The following PCDH9 variants were observed in gnomAD, a reference collection of about 807,000 sequenced individuals.
PCDH9 encodes protocadherin-9.
A neutral mutation model predicts 70.6 loss-of-function variants in PCDH9; 24 were observed. The ratio of observed to expected loss-of-function variants is 0.34; its 90% confidence interval spans 0.25 to 0.48. PCDH9 has a LOEUF of 0.48. PCDH9 is among the 20% of genes least tolerant of loss of function. The pLI is 0.99. For synonymous variants in PCDH9, 562 were observed against 558.5 expected, an observed-to-expected ratio of 1.01 and a Z score of -0.09; for missense variants, 1,281 against 1,503.6, an observed-to-expected ratio of 0.85 and a Z score of 2.45.
At chr13:66,745,593 C>G (rs7990984) in intron 3 of PCDH9, among the ~76,000 whole-genome samples, 2 of 151,932 alleles carry the variant, frequency 1.3e-5, no homozygotes, top group Non-Finnish European at 2.9e-5. Context: ...CTTTCACCAA[C>G]ACACTGACAG....
intron 2 of PCDH9, among the ~76,000 whole-genome samples, chr13:67,125,603 C>T (rs1192518199): frequency 6.6e-6 from 1 of 152,100 alleles, no homozygotes; most frequent in Non-Finnish European, 1.5e-5. Flanking sequence ...TCTCTGTTAT[C>T]AATAAATATC....
At chr13:66,634,436 A>C (rs1409295812) in intron 3 of PCDH9, among the ~76,000 whole-genome samples, 1 of 152,214 alleles carries the variant, frequency 6.6e-6, no homozygotes, top group Non-Finnish European at 1.5e-5. Context: ...AATAAGGTGT[A>C]GGAGACAAGG....
intron 3 of PCDH9, among the ~76,000 whole-genome samples, chr13:66,696,931 A>G (rs556264721): frequency 7.3e-5 from 11 of 151,478 alleles, no homozygotes; most frequent in African/African-American, 2.7e-4. Flanking sequence ...TGAGACCTCC[A>G]TCTCTACTGT....
intron 2 of PCDH9, among the ~76,000 whole-genome samples, chr13:67,189,643 A>C (rs946611829): frequency 1.4e-4 from 22 of 152,048 alleles, no homozygotes; most frequent in African/African-American, 5.1e-4. Context: ...ATAAATGTAC[A>C]ATATAAAGTT....
intron 2 of PCDH9, among the ~76,000 whole-genome samples, chr13:67,140,029 C>CCG (rs1555311532): frequency 9.4e-6 from 1 of 106,444 alleles, no homozygotes; most frequent in African/African-American, 3.6e-5. Context: ...TTGATCACCC[C>CCG]CCCCCCCCCG....
intron 2 of PCDH9, among the ~76,000 whole-genome samples, chr13:67,101,163 T>C (rs568262241): frequency 7.2e-5 from 11 of 152,272 alleles, no homozygotes; most frequent in Non-Finnish European, 1.3e-4. Flanking sequence ...TAAAACAATA[T>C]AGTAAACATT....
intron 4 of PCDH9, among the ~76,000 whole-genome samples, chr13:66,520,701 A>G (rs893733168): frequency 6.6e-6 from 1 of 152,226 alleles, no homozygotes; most frequent in Non-Finnish European, 1.5e-5. Flanking sequence ...TATCAAGTCC[A>G]TAATAGAAGC....
At chr13:66,932,958 T>C (rs902975161) in intron 2 of PCDH9, among the ~76,000 whole-genome samples, 1 of 151,466 alleles carries the variant, frequency 6.6e-6, no homozygotes, top group Admixed American at 6.6e-5. Flanking sequence ...TATGTTAATA[T>C]ATAGTTAAGA....
At position 67,186,361 on chromosome 13, in the gene PCDH9, AGGG is replaced by A. The variant is rs553009727; in HGVS notation, c.3036+39041_3036+39043del. On this transcript the variant is annotated intron_variant, in intron 2 of 4. Transcript: ENST00000377865. ...CATTTCAGGAACCAAAAACGTATGT[AGGG>A]GACGAGGAAATGTCTACAGCAAAAT... Among the ~76,000 whole-genome samples the A allele has an allele frequency of 2.0e-5, 3 of 152,186 alleles. No individual in the cohort carries two copies. In the South Asian group the frequency reaches 6.2e-4, roughly 31 times the overall value.
chr13:66,450,227 TA>T (rs1235245464), intron 4 of PCDH9, among the ~76,000 whole-genome samples: 3 of 152,214 alleles, frequency 2.0e-5, no homozygotes, highest in Non-Finnish European at 4.4e-5. Context: ...TAAACAAATT[TA>T]TTGCCATTTT....
At chr13:67,032,027 G>A (rs2084916756) in intron 2 of PCDH9, among the ~76,000 whole-genome samples, 1 of 152,190 alleles carries the variant, frequency 6.6e-6, no homozygotes, top group Admixed American at 6.5e-5. Flanking sequence ...GAGAGCATAG[G>A]TGCACTTGCA....
chr13:66,997,240 A>C (rs1286663233), intron 2 of PCDH9, among the ~76,000 whole-genome samples: 1 of 152,206 alleles, frequency 6.6e-6, no homozygotes, highest in East Asian at 1.9e-4. Flanking sequence ...GCTGGACAGG[A>C]AGCATGGTCT....
At chr13:66,468,455 G>C (rs1958556676) in intron 4 of PCDH9, among the ~76,000 whole-genome samples, 1 of 152,068 alleles carries the variant, frequency 6.6e-6, no homozygotes, top group Admixed American at 6.6e-5. Context: ...GACTCACCTA[G>C]TAATGAAACT....
intron 3 of PCDH9, among the ~76,000 whole-genome samples, chr13:66,850,923 G>A (rs1234687292): frequency 6.6e-6 from 1 of 152,164 alleles, no homozygotes; most frequent in Non-Finnish European, 1.5e-5. Context: ...CTTTGAAATA[G>A]TGTACTTACA....
At chr13:66,995,964 AT>A (rs3043131) in intron 2 of PCDH9, among the ~76,000 whole-genome samples, 47 of 152,124 alleles carry the variant, frequency 3.1e-4, no homozygotes, top group South Asian at 1.7e-3. Flanking sequence ...AACTTCATTT[AT>A]TTTTTTTCAA....
chr13:66,353,276 G>A (rs1473928114), intron 4 of PCDH9, among the ~76,000 whole-genome samples: 1 of 152,132 alleles, frequency 6.6e-6, no homozygotes, highest in Admixed American at 6.6e-5. Flanking sequence ...ATAAAACCTT[G>A]AAGGGATGAA....
chr13:67,094,241 T>G (rs2086276514), intron 2 of PCDH9, among the ~76,000 whole-genome samples: 1 of 152,146 alleles, frequency 6.6e-6, no homozygotes, highest in African/African-American at 2.4e-5. Flanking sequence ...TGGTGGACAA[T>G]TACTCTAATC....
chr13:66,462,813 A>G (rs1247318920), intron 4 of PCDH9, among the ~76,000 whole-genome samples: 1 of 151,746 alleles, frequency 6.6e-6, no homozygotes, highest in Non-Finnish European at 1.5e-5. Context: ...ATTTGCCATT[A>G]CCCAGAGCTG....
At chr13:67,182,727 A>G (rs1431718769) in intron 2 of PCDH9, among the ~76,000 whole-genome samples, 3 of 152,146 alleles carry the variant, frequency 2.0e-5, no homozygotes, top group Non-Finnish European at 4.4e-5. Context: ...GGGTGAAAGA[A>G]GTAGAATAGC....
Sources: allele counts gnomAD v4.1 joint callset (sites outside exome capture counted in the v4.1 genomes callset), GRCh38; gene constraint gnomAD v4.1.1; transcripts MANE v1.5; gene names NCBI Gene and HGNC (gene_info 2026-07-23, HGNC 2026-07-21).